RAB10: variants seen among roughly 807,000 people sequenced by gnomAD.
RAB10 encodes the protein ras-related protein Rab-10.
RAB10 carries 5 observed loss-of-function variants against 25.7 expected under a neutral mutation model. The observed-to-expected ratio is 0.19, with a 90% CI of 0.10 to 0.41. The LOEUF is 0.41. RAB10 is among the 10% of genes least tolerant of loss of function. The pLI is 1.00. For synonymous variants in RAB10, 89 were observed against 86.4 expected (o/e 1.03, Z -0.16); for missense variants, 103 against 245.8 (o/e 0.42, Z 3.89).
Position 26,034,630 on chromosome 2 carries a change from C to T in RAB10, c.22C>T (p.Leu8=). MAKKTYD[L]LFKLLLIGDS... Reference sequence around the variant, plus strand: ...CCCAATGGCGAAGAAGACGTACGACCTGCTTTTCAAGCTGCTCCTGATCGG... The same window carrying T: ...CCCAATGGCGAAGAAGACGTACGACTTGCTTTTCAAGCTGCTCCTGATCGG... Residue 8 remains leucine, a synonymous_variant, in exon 1 of 6, where the codon CTG becomes TTG. Transcript: ENST00000264710. 6.2e-7 allele frequency: 1 copy of T among 1,614,008 alleles called. No individual in the cohort carries two copies. Among genetic ancestry groups the T allele is most frequent in the Non-Finnish European group, 8.5e-7 (1 of 1,180,044 alleles).
intron 3 of RAB10, among the ~76,000 whole-genome samples, chr2:26,125,434 C>CTTTT (rs780945835): frequency 8.4e-6 from 1 of 118,884 alleles, no homozygotes; most frequent in African/African-American, 3.1e-5. Flanking sequence ...CCTTTGCTTG[C>CTTTT]TTTTTTTTTT....
intron 1 of RAB10, among the ~76,000 whole-genome samples, chr2:26,088,773 C>T (rs992771972): frequency 6.6e-5 from 10 of 151,924 alleles, no homozygotes; most frequent in African/African-American, 1.7e-4. Context: ...TACAGGCGCC[C>T]GCCACCATAC....
At chr2:26,038,350 C>G (rs1434067938) in intron 1 of RAB10, among the ~76,000 whole-genome samples, 4 of 151,768 alleles carry the variant, frequency 2.6e-5, no homozygotes, top group Admixed American at 2.6e-4. Flanking sequence ...GTGCGCACCA[C>G]CACGCCTGGC....
intron 3 of RAB10, among the ~76,000 whole-genome samples, chr2:26,111,970 G>T (rs1667581605): frequency 6.6e-6 from 1 of 152,168 alleles, no homozygotes; most frequent in African/African-American, 2.4e-5. Flanking sequence ...CACTCCATGT[G>T]ATCATTTGCT....
intron 3 of RAB10, among the ~76,000 whole-genome samples, chr2:26,121,595 A>G (rs1464139821): frequency 2.0e-5 from 3 of 152,226 alleles, no homozygotes; most frequent in Non-Finnish European, 4.4e-5. Context: ...GCGGGGGGGA[A>G]ATTAAGAAAA....
At chr2:26,085,261 G>A (rs1666951683) in intron 1 of RAB10, among the ~76,000 whole-genome samples, 1 of 151,854 alleles carries the variant, frequency 6.6e-6, no homozygotes, top group Non-Finnish European at 1.5e-5. Flanking sequence ...GGCAGAGGCG[G>A]GTGGATCACT....
At chr2:26,119,148 T>G (rs1243888350) in intron 3 of RAB10, among the ~76,000 whole-genome samples, 2 of 152,220 alleles carry the variant, frequency 1.3e-5, no homozygotes, top group Non-Finnish European at 2.9e-5. Context: ...GGCTCACACC[T>G]GTAATCCCAG....
intron 1 of RAB10, 139 bp downstream of exon 1, chr2:26,034,874 A>C (rs771309355): frequency 2.3e-4 from 299 of 1,309,912 alleles, no homozygotes; most frequent in Non-Finnish European, 3.0e-4. Context: ...TACTGTTTGA[A>C]TCGGCATCGA....
intron 1 of RAB10, among the ~76,000 whole-genome samples, chr2:26,039,923 CT>C (rs1441861031): frequency 3.9e-5 from 6 of 151,926 alleles, no homozygotes; most frequent in African/African-American, 1.5e-4. Context: ...TACAACTCAT[CT>C]CAGATTAGGC....
chr2:26,075,325 G>A (rs1666709700), intron 1 of RAB10, among the ~76,000 whole-genome samples: 1 of 152,044 alleles, frequency 6.6e-6, no homozygotes, highest in Non-Finnish European at 1.5e-5. Flanking sequence ...TTCTCCAACA[G>A]GGAGAACAGT....
chr2:26,106,085 C>T (rs1458938294), intron 2 of RAB10, among the ~76,000 whole-genome samples: 1 of 152,084 alleles, frequency 6.6e-6, no homozygotes, highest in Non-Finnish European at 1.5e-5. Context: ...GTTTGGCATC[C>T]AGGTTATTGG....
chr2:26,098,939 A>G (rs1456649670), intron 2 of RAB10, among the ~76,000 whole-genome samples: 2 of 152,206 alleles, frequency 1.3e-5, no homozygotes, highest in African/African-American at 2.4e-5. Flanking sequence ...GGCAGATTAT[A>G]TACTCATTAT....
At chr2:26,053,003 T>A (rs1666168780) in intron 1 of RAB10, among the ~76,000 whole-genome samples, 1 of 152,352 alleles carries the variant, frequency 6.6e-6, no homozygotes. Flanking sequence ...TTTCATCTAC[T>A]GTGGTTACAG....
At chr2:26,063,477 A>G (rs551831911) in intron 1 of RAB10, among the ~76,000 whole-genome samples, 1 of 152,076 alleles carries the variant, frequency 6.6e-6, no homozygotes. Flanking sequence ...TAAGCTACAG[A>G]TGTTTTGACA....
intron 3 of RAB10, among the ~76,000 whole-genome samples, chr2:26,120,087 C>T (rs188501810): frequency 6.4e-4 from 98 of 152,298 alleles, no homozygotes; most frequent in African/African-American, 2.3e-3. Context: ...GCTTCGGCTT[C>T]GTTCCATCAG....
intron 1 of RAB10, among the ~76,000 whole-genome samples, chr2:26,097,573 T>C (rs1280813318): frequency 6.6e-6 from 1 of 152,172 alleles, no homozygotes; most frequent in East Asian, 1.9e-4. Flanking sequence ...CCACCGTGCC[T>C]GGCAACTTCA....
At chr2:26,035,889 AAAG>A (rs1665754222) in intron 1 of RAB10, among the ~76,000 whole-genome samples, 1 of 152,260 alleles carries the variant, frequency 6.6e-6, no homozygotes, top group South Asian at 2.1e-4. Flanking sequence ...CATTCTCACA[AAAG>A]AAATTATACT....
intron 1 of RAB10, among the ~76,000 whole-genome samples, chr2:26,036,974 A>T (rs1353588975): frequency 6.6e-6 from 1 of 151,772 alleles, no homozygotes; most frequent in Non-Finnish European, 1.5e-5. Flanking sequence ...TTTAGTAGAG[A>T]TGGTTTCACC....
intron 1 of RAB10, among the ~76,000 whole-genome samples, chr2:26,088,211 GATAGAGTGGCTAGAGGTTGCAGTT>G (rs1559589550): frequency 3.3e-5 from 5 of 152,306 alleles, no homozygotes; most frequent in Admixed American, 2.6e-4. Flanking sequence ...CTGGAAAACT[GATAGAGTGGCTAGAGGTTGCAGTT>G]ACTCCTCTTG....
Sources: allele counts gnomAD v4.1 joint callset (sites outside exome capture counted in the v4.1 genomes callset), GRCh38; gene constraint gnomAD v4.1.1; transcripts MANE v1.5; gene names NCBI Gene and HGNC (gene_info 2026-07-23, HGNC 2026-07-21).